TOPBP1: variants seen among roughly 807,000 people sequenced by gnomAD.
TOPBP1 encodes the protein DNA topoisomerase 2-binding protein 1.
TOPBP1 carries 28 observed loss-of-function variants against 167.7 expected under a neutral mutation model. That is an observed-to-expected ratio of 0.17 (90% CI 0.12 to 0.23). The LOEUF (loss-of-function observed/expected upper bound fraction) is 0.23, where lower values mean the gene tolerates loss of function less well. Ranked by LOEUF, TOPBP1 falls within the 10% of genes least tolerant of loss-of-function variation. The pLI is 1.00. For missense variants in TOPBP1, 1,554 were observed against 1,809.6 expected, an observed-to-expected ratio of 0.86 and a Z score of 2.56; for synonymous variants, 598 against 611.4, an observed-to-expected ratio of 0.98 and a Z score of 0.32.
chr3:133,626,532 T>A (rs1420222475), intron 16 of TOPBP1, among the ~76,000 whole-genome samples: 1 of 152,208 alleles, frequency 6.6e-6, no homozygotes, highest in East Asian at 1.9e-4. Context: ...TATAAACAAG[T>A]TATTTTTTTG....
intron 13 of TOPBP1, 85 bp from the exon 14 acceptor site, chr3:133,638,247 T>C: frequency 7.8e-7 from 1 of 1,280,910 alleles, no homozygotes; most frequent in South Asian, 1.5e-5. Flanking sequence ...TTTTATACTG[T>C]TTTCTTTCCT....
chr3:133,659,353 T>C lies in TOPBP1; in HGVS notation c.85-203A>G, dbSNP rs573849249. Among the ~76,000 whole-genome samples the C allele has an allele frequency of 2.0e-5, 3 of 152,258 alleles. No individual in the cohort carries two copies. The South Asian group carries it at 6.2e-4, about 32-fold the overall frequency. ...TCTCTACACAGCAGCTAATAATCTT[T>C]TCAAAAACACAAGTCAGATCATGTC... On this transcript the variant is annotated intron_variant, in intron 2 of 27. Transcript: ENST00000260810.
Position 133,649,857 on chromosome 3 carries a change from T to A in TOPBP1, c.1176A>T (p.Leu392=). 1 of 1,613,232 alleles carries A rather than the reference T, an allele frequency of 6.2e-7. No homozygotes were observed. Among genetic ancestry groups the A allele is most frequent in the South Asian group, 1.1e-5 (1 of 90,794 alleles). ...CAATAACATGAGTTACATCTTCATT[T>A]AGCTGGTTAAAACGAACTCCACCTC... ...NSGGGVRFNQ[L]NEDVTHVIVG... is the part of the protein sequence containing the mutation. Residue 392 remains leucine, a synonymous_variant, in exon 9 of 28, where the codon CTA becomes CTT. Coordinates refer to ENST00000260810, the MANE Select transcript of TOPBP1 (RefSeq NM_007027.4).
At chr3:133,612,604 G>T in intron 23 of TOPBP1, 52 bp from the exon 24 acceptor site, 2 of 1,487,080 alleles carry the variant, frequency 1.3e-6, no homozygotes, top group Non-Finnish European at 1.8e-6. Context: ...CTTCTTTCTA[G>T]GAAAAATGTA....
Position 133,624,069 on chromosome 3 carries a change from C to G in TOPBP1, c.2911G>C (p.Glu971Gln), listed in dbSNP as rs555995953. ...VKERGVHIVS[E>Q]HWLLDCAQEC... ...CTGCTTACATCTAAAAGCCAGTGCT[C>G]GGAAACAATGTGTACTCCTCTTTCT... The change falls in exon 17 of 28, where the codon GAG (glutamate) becomes CAG (glutamine). Residue 971 changes from glutamate (E) to glutamine (Q), a missense_variant. Around this residue, in one of 3 missense-constraint regions of TOPBP1, gnomAD observed 1,197 missense variants for 1,351.5 expected, o/e 0.89. Transcript: ENST00000260810. 2 of 1,612,966 alleles carry G rather than the reference C, an allele frequency of 1.2e-6. No homozygotes were observed. The highest frequency in any genetic ancestry group is 2.2e-5 in the South Asian group (2 of 90,904).
chr3:133,607,046 C>T (rs1008165383), intron 27 of TOPBP1, among the ~76,000 whole-genome samples: 1 of 152,018 alleles, frequency 6.6e-6, no homozygotes, highest in Admixed American at 6.6e-5. Flanking sequence ...CAATGTGCTC[C>T]CACTATAAAC....
chr3:133,610,776 T>G (rs1389314521), intron 25 of TOPBP1, among the ~76,000 whole-genome samples: 1 of 152,154 alleles, frequency 6.6e-6, no homozygotes, highest in Non-Finnish European at 1.5e-5. Context: ...GTCTGTGGAC[T>G]CAGGTCAAGA....
chr3:133,650,863 C>T (rs1006292788), intron 8 of TOPBP1, among the ~76,000 whole-genome samples: 1 of 152,098 alleles, frequency 6.6e-6, no homozygotes, highest in South Asian at 2.1e-4. Context: ...AATCCCAACA[C>T]TCTGGGAGGC....
intron 13 of TOPBP1, among the ~76,000 whole-genome samples, chr3:133,638,911 G>T (rs1935770882): frequency 6.6e-6 from 1 of 152,130 alleles, no homozygotes; most frequent in African/African-American, 2.4e-5. Context: ...AATTTAGCAG[G>T]AAGACACAAA....
At chr3:133,636,713 A>AT (rs1427566142) in intron 14 of TOPBP1, among the ~76,000 whole-genome samples, 1 of 152,174 alleles carries the variant, frequency 6.6e-6, no homozygotes, top group African/African-American at 2.4e-5. Flanking sequence ...TCTGTGAGCT[A>AT]TGACACTTTA....
In TOPBP1 at chr3:133,656,668, T is replaced by C. The variant is rs747393997; in HGVS notation, c.545+8A>G. On this transcript the variant is annotated splice_region_variant and intron_variant, in intron 5 of 27. Transcript: ENST00000260810. ...CAAATCTAGAAAATATAAAAATGTC[T>C]TTCTTACTTCTCTTGTGACTTCTCC... is the stretch of plus-strand genomic sequence containing the variant. 4 of 1,581,150 alleles carry C rather than the reference T, an allele frequency of 2.5e-6. No individual in the cohort carries two copies. Among genetic ancestry groups the C allele is most frequent in the Non-Finnish European group, 3.4e-6 (4 of 1,167,078 alleles).
chr3:133,606,008 C>T (rs1480133282), intron 27 of TOPBP1, among the ~76,000 whole-genome samples: 1 of 151,958 alleles, frequency 6.6e-6, no homozygotes, highest in East Asian at 1.9e-4. Context: ...CTGGTGAAAC[C>T]CTATCTCTAC....
Position 133,612,420 on chromosome 3 carries a change from T to G in TOPBP1, c.4004A>C (p.Glu1335Ala). ...GKWVLHRSYLEACRTAGHFVQ... is the reference protein window; with the variant it reads ...GKWVLHRSYLAACRTAGHFVQ... ...GAAGTGTCCAGCAGTCCTGCAGGCT[T>G]CAAGGTAGGAGCGATGAAGCACCCA... The change falls in exon 24 of 28, where the codon GAA (glutamate) becomes GCA (alanine). Residue 1335 changes from glutamate to alanine, a missense_variant. Around this residue, in one of 3 missense-constraint regions of TOPBP1, gnomAD observed 351 missense variants for 432.9 expected, o/e 0.81. Transcript: ENST00000260810. 1 of 1,613,932 alleles carries G rather than the reference T, an allele frequency of 6.2e-7. No homozygotes were observed. The highest frequency in any genetic ancestry group is 8.5e-7 in the Non-Finnish European group (1 of 1,179,838).
intron 14 of TOPBP1, among the ~76,000 whole-genome samples, chr3:133,635,974 A>C (rs1411254762): frequency 6.6e-6 from 1 of 152,226 alleles, no homozygotes. Context: ...AAAACAGACA[A>C]ATCTAAATAA....
At chr3:133,635,566 C>T (rs1935642715) in intron 14 of TOPBP1, among the ~76,000 whole-genome samples, 1 of 152,194 alleles carries the variant, frequency 6.6e-6, no homozygotes, top group Non-Finnish European at 1.5e-5. Flanking sequence ...CCTTGTACCA[C>T]TTTTATTTTG....
At position 133,649,392 on chromosome 3, in the gene TOPBP1, A is replaced by G; in HGVS notation, c.1495T>C (p.Ser499Pro). 3 of 1,612,926 alleles carry G rather than the reference A, an allele frequency of 1.9e-6. No homozygotes were observed. The highest frequency in any genetic ancestry group is 2.5e-6 in the Non-Finnish European group (3 of 1,179,744). The change falls in exon 10 of 28, where the codon TCC (serine) becomes CCC (proline). Residue 499 changes from serine (S) to proline (P), a missense_variant. Ser to Pro is a moderately conservative substitution (Grantham distance 74). This residue lies in a region of TOPBP1 where 1,197 missense variants were observed against 1,351.5 expected (regional missense o/e 0.89). Coordinates refer to ENST00000260810, the MANE Select transcript of TOPBP1 (RefSeq NM_007027.4). ...ATCAAGCATTTCTTACCTACTGTGG[A>G]GCTACCATTTTCATATTGAGAGAGC... ...DLLSQYENGS[S>P]TVVEAKTSEA...
chr3:133,622,683 T>C (rs1935133183), intron 19 of TOPBP1, among the ~76,000 whole-genome samples: 1 of 152,100 alleles, frequency 6.6e-6, no homozygotes, highest in Non-Finnish European at 1.5e-5. Context: ...ATTGTACATA[T>C]AAGAAAACTT....
intron 27 of TOPBP1, among the ~76,000 whole-genome samples, chr3:133,606,495 C>CTTTT (rs750468980): frequency 9.6e-5 from 12 of 125,456 alleles, no homozygotes; most frequent in African/African-American, 1.8e-4. Context: ...CACTCTAGGC[C>CTTTT]TTTTTTTTTT....
chr3:133,622,124 C>T (rs1225605417), intron 19 of TOPBP1, among the ~76,000 whole-genome samples: 2 of 150,892 alleles, frequency 1.3e-5, no homozygotes, highest in Non-Finnish European at 2.9e-5. Context: ...ATATAAAACA[C>T]TACCCAAGGT....
Sources: gnomAD v4.1 joint callset for allele counts (sites outside exome capture counted in the v4.1 genomes callset) on GRCh38, gnomAD v4.1.1 for gene constraint, gnomAD v4.1.1 regional missense constraint, MANE v1.5 for transcripts, NCBI Gene and HGNC (gene_info 2026-07-23, HGNC 2026-07-21) for gene names.